The following KLHL14 variants were observed in gnomAD, a reference collection of about 807,000 sequenced individuals.
KLHL14 encodes the protein kelch like family member 14, also known as kelch-like protein 14.
KLHL14 carries 22 observed loss-of-function variants against 64.3 expected under a neutral mutation model. That is an observed-to-expected ratio of 0.34 (90% CI 0.24 to 0.49). The LOEUF is 0.49. Among genes scored for constraint, KLHL14 ranks in the 20% least tolerant of loss-of-function variants. The pLI is 0.99. For missense variants in KLHL14, 661 were observed against 789.0 expected (o/e 0.84, Z 1.94); for synonymous variants, 322 against 333.4 (o/e 0.97, Z 0.37).
At chr18:32,761,987 G>C (rs2050316777) in intron 2 of KLHL14, among the ~76,000 whole-genome samples, 1 of 152,056 alleles carries the variant, frequency 6.6e-6, no homozygotes, top group African/African-American at 2.4e-5. Context: ...AGATGATTTT[G>C]CAATGAATGC....
Position 32,747,327 on chromosome 18 carries a change from T to C in KLHL14, c.948-5278A>G, listed in dbSNP as rs566110969. On this transcript the variant is annotated intron_variant, in intron 2 of 8. Coordinates refer to ENST00000359358, the MANE Select transcript of KLHL14 (RefSeq NM_020805.3). The stretch of plus-strand genomic sequence containing the variant: ...CTTTATTTCTATTATTATATTTCTA[T>C]TATTACATTGTAATATATAATAAAA... Among the ~76,000 whole-genome samples, 5 of 152,320 alleles carry C rather than the reference T, an allele frequency of 3.3e-5. No individual in the cohort carries two copies. In the East Asian group the frequency reaches 9.6e-4, roughly 29 times the overall value.
rs559742374 is a variant in KLHL14 at position 32,711,699 on chromosome 18, G to T, written c.1070-16147C>A. Among the ~76,000 whole-genome samples the T allele has an allele frequency of 4.6e-5, 7 of 152,280 alleles. No homozygotes were observed. In the South Asian group the frequency reaches 1.4e-3, roughly 32 times the overall value. On this transcript the variant is annotated intron_variant, in intron 3 of 8. Coordinates refer to ENST00000359358, the MANE Select transcript of KLHL14 (RefSeq NM_020805.3). The stretch of plus-strand genomic sequence containing the variant: ...AGCAAGGCCTAAATCCATTAAGCCT[G>T]ACTCTTTTTCACTGTTCCTCATACA...
At chr18:32,741,683 G>A (rs1016017847) in intron 3 of KLHL14, among the ~76,000 whole-genome samples, 1 of 152,118 alleles carries the variant, frequency 6.6e-6, no homozygotes, top group Admixed American at 6.5e-5. Flanking sequence ...CTCCATTGCA[G>A]CACATACAGA....
intron 3 of KLHL14, among the ~76,000 whole-genome samples, chr18:32,709,383 C>G (rs1370977793): frequency 6.6e-6 from 1 of 152,124 alleles, no homozygotes; most frequent in Non-Finnish European, 1.5e-5. Flanking sequence ...TTTAGAAAGC[C>G]CTTCCCTATC....
chr18:32,695,417 C>T (rs753642847), intron 4 of KLHL14, 46 bp downstream of exon 4: 5 of 1,160,544 alleles, frequency 4.3e-6, no homozygotes, highest in Non-Finnish European at 6.5e-6. Context: ...CCCTTCATTA[C>T]ACACATACTT....
intron 2 of KLHL14, among the ~76,000 whole-genome samples, chr18:32,750,280 C>A (rs1598575684): frequency 6.6e-6 from 1 of 152,182 alleles, no homozygotes; most frequent in East Asian, 1.9e-4. Context: ...GGGTTCATAG[C>A]AATTTCTTTA....
At chr18:32,757,988 G>A (rs965954024) in intron 2 of KLHL14, among the ~76,000 whole-genome samples, 1 of 152,092 alleles carries the variant, frequency 6.6e-6, no homozygotes, top group Non-Finnish European at 1.5e-5. Context: ...GGTACCATAA[G>A]AAGCCCTATG....
chr18:32,765,013 A>C (rs1421543573), intron 2 of KLHL14, among the ~76,000 whole-genome samples: 1 of 152,140 alleles, frequency 6.6e-6, no homozygotes, highest in Non-Finnish European at 1.5e-5. Flanking sequence ...TTGGGGAGTG[A>C]TAGTAAAAAA....
chr18:32,685,381 T>G (rs2049872077), intron 5 of KLHL14, among the ~76,000 whole-genome samples: 1 of 152,214 alleles, frequency 6.6e-6, no homozygotes, highest in Admixed American at 6.5e-5. Context: ...GCCAAAGGCA[T>G]GAAGGTTAAT....
At chr18:32,682,306 A>G (rs1358459695) in intron 5 of KLHL14, among the ~76,000 whole-genome samples, 2 of 152,214 alleles carry the variant, frequency 1.3e-5, no homozygotes, top group Non-Finnish European at 2.9e-5. Flanking sequence ...TTTTCTTGAT[A>G]TATTTGAAGG....
intron 3 of KLHL14, among the ~76,000 whole-genome samples, chr18:32,730,260 G>A (rs1337403429): frequency 6.6e-6 from 1 of 152,194 alleles, no homozygotes; most frequent in Non-Finnish European, 1.5e-5. Flanking sequence ...GGAGGTAAAT[G>A]CTGCAAAGCA....
chr18:32,697,324 G>A (rs1265832445), intron 3 of KLHL14, among the ~76,000 whole-genome samples: 2 of 152,068 alleles, frequency 1.3e-5, no homozygotes, highest in Non-Finnish European at 2.9e-5. Flanking sequence ...AAAACAAAAC[G>A]AAGCTTCCCT....
intron 3 of KLHL14, among the ~76,000 whole-genome samples, chr18:32,736,288 T>C (rs1213243464): frequency 6.6e-6 from 1 of 152,124 alleles, no homozygotes; most frequent in Non-Finnish European, 1.5e-5. Context: ...GAATACACAG[T>C]AGCAAATAAT....
chr18:32,731,883 C>T (rs915070401), intron 3 of KLHL14, among the ~76,000 whole-genome samples: 1 of 152,092 alleles, frequency 6.6e-6, no homozygotes, highest in African/African-American at 2.4e-5. Flanking sequence ...ACTCCAAATG[C>T]ATTATAATAA....
At chr18:32,742,583 A>G (rs184476199) in intron 2 of KLHL14, among the ~76,000 whole-genome samples, 10 of 152,254 alleles carry the variant, frequency 6.6e-5, no homozygotes, top group Non-Finnish European at 1.2e-4. Context: ...ACCAGTTTGA[A>G]CATGAATTTT....
chr18:32,711,634 C>T (rs1053769718), intron 3 of KLHL14, among the ~76,000 whole-genome samples: 2 of 151,724 alleles, frequency 1.3e-5, no homozygotes, highest in Non-Finnish European at 2.9e-5. Flanking sequence ...ATGAACTGTC[C>T]TCTTCCCTCA....
intron 3 of KLHL14, among the ~76,000 whole-genome samples, chr18:32,733,377 AAGAGAGAGAAAGGAGAGAGAGAGAG>A (rs1197664914): frequency 1.4e-5 from 2 of 145,000 alleles, no homozygotes; most frequent in Non-Finnish European, 3.0e-5. Flanking sequence ...GAGAGAGAGA[AAGAGAGAGAAAGGAGAGAGAGAGAG>A]AGAGAGAGAG....
chr18:32,688,683 A>G (rs1568065180), intron 4 of KLHL14, among the ~76,000 whole-genome samples: 1 of 152,218 alleles, frequency 6.6e-6, no homozygotes. Context: ...AAAGGGGTCA[A>G]GGGCCAGAAC....
chr18:32,718,143 T>A (rs755478933), intron 3 of KLHL14, among the ~76,000 whole-genome samples: 1 of 152,228 alleles, frequency 6.6e-6, no homozygotes, highest in Admixed American at 6.5e-5. Context: ...TTCCAATTCA[T>A]CTTAAATTAG....
Sources: gnomAD v4.1 joint callset for allele counts (sites outside exome capture counted in the v4.1 genomes callset) on GRCh38, gnomAD v4.1.1 for gene constraint, MANE v1.5 for transcripts, NCBI Gene and HGNC (gene_info 2026-07-23, HGNC 2026-07-21) for gene names.